ZNF536: variants seen among roughly 807,000 people sequenced by gnomAD.
The protein encoded by ZNF536 is zinc finger protein 536.
ZNF536 carries 13 observed loss-of-function variants against 84.5 expected under a neutral mutation model. The observed-to-expected ratio is 0.15, with a 90% CI of 0.10 to 0.24. The LOEUF (loss-of-function observed/expected upper bound fraction) is 0.24. ZNF536 is among the 10% of genes least tolerant of loss of function. The pLI is 1.00. For synonymous variants in ZNF536, 811 were observed against 742.5 expected, an observed-to-expected ratio of 1.09 and a Z score of -1.50; for missense variants, 1,536 against 1,747.5, an observed-to-expected ratio of 0.88 and a Z score of 2.16.
In ZNF536 at chr19:30,336,666, T is replaced by A. The variant is rs114427057; in HGVS notation, c.-119-15702T>A. 8.4e-3 allele frequency among the ~76,000 whole-genome samples: 1,276 copies of A among 151,384 alleles called. 27 individuals are homozygous for A. The highest frequency in any genetic ancestry group is 0.03 in the African/African-American group (1,230 of 41,250). ...CAGGTAGGACCAGAGAGGGAAGGTG[T>A]GTCTGGGGGCAGGAGGGAGGGTACA... is the stretch of plus-strand genomic sequence containing the variant. On this transcript the variant is annotated intron_variant, in intron 2 of 5. Transcript: ENST00000585628.
rs2148201269 is a variant in ZNF536, at chr19:30,444,853, C to A, written c.1291C>A (p.Leu431Ile). ...EAHANLYSRY[L>I]SCLQSGFMTP... The stretch of plus-strand genomic sequence containing the variant: ...CCACGCCAACCTGTACTCCAGGTAC[C>A]TCTCCTGCCTGCAGAGTGGCTTCAT... Residue 431 changes from leucine (L) to isoleucine (I), a missense_variant, in exon 2 of 5, where the codon CTC (leucine) becomes ATC (isoleucine). Leu to Ile is a conservative substitution (Grantham distance 5). Transcript: ENST00000355537. 6.2e-7 allele frequency: 1 copy of A among 1,613,532 alleles called. No individual in the cohort carries two copies. Among genetic ancestry groups the A allele is most frequent in the Non-Finnish European group, 8.5e-7 (1 of 1,179,980 alleles).
At chr19:30,377,730 A>T (rs886446319) in intron 1 of ZNF536, among the ~76,000 whole-genome samples, 2 of 152,200 alleles carry the variant, frequency 1.3e-5, no homozygotes, top group African/African-American at 4.8e-5. Flanking sequence ...CTTTGTTCTC[A>T]AGATATTGGG....
In ZNF536 at chr19:30,445,579, G is replaced by A; in HGVS notation, c.2017G>A (p.Gly673Ser). ...GLHVGLDERR[G>S]SGSDQESQSV... ...GCACGTGGGCCTGGATGAGCGGCGT[G>A]GCTCGGGCAGTGACCAGGAGTCCCA... The change falls in exon 2 of 5, where the codon GGC becomes AGC. Residue 673 changes from glycine to serine, a missense_variant. Coordinates refer to ENST00000355537, the MANE Select transcript of ZNF536 (RefSeq NM_014717.3). This position sits in a 1 kb window ranked among gnomAD's most constrained non-coding sequence, Gnocchi z 4.5. 6.2e-7 allele frequency: 1 copy of A among 1,613,124 alleles called. No individual in the cohort carries two copies. Among genetic ancestry groups the A allele is most frequent in the Non-Finnish European group, 8.5e-7 (1 of 1,179,706 alleles).
At chr19:30,389,816 C>G (rs1286460299) in intron 1 of ZNF536, among the ~76,000 whole-genome samples, 2 of 152,210 alleles carry the variant, frequency 1.3e-5, no homozygotes, top group Non-Finnish European at 2.9e-5. Flanking sequence ...CCCTCCAGCT[C>G]CCTATCTTCC....
chr19:30,605,356 A>G (rs2047833259), intron 1 of ZNF536, among the ~76,000 whole-genome samples: 1 of 151,918 alleles, frequency 6.6e-6, no homozygotes, highest in Non-Finnish European at 1.5e-5. Flanking sequence ...CCCACCGCCA[A>G]GTCCCCAACA....
At chr19:30,231,771 C>T (rs556004929) in intron 1 of ZNF536, among the ~76,000 whole-genome samples, 79 of 152,002 alleles carry the variant, frequency 5.2e-4, no homozygotes, top group African/African-American at 1.9e-3. Flanking sequence ...GAGTGGCCCC[C>T]TAGGTTGTGC....
rs2052237579 is a variant in ZNF536, at chr19:30,444,827, C to T, written c.1265C>T (p.Ala422Val). Reference sequence around the variant, plus strand: ...CCCATGGGCGGCATGTCCCAGGAGGCCCACGCCAACCTGTACTCCAGGTAC... The same window carrying T: ...CCCATGGGCGGCATGTCCCAGGAGGTCCACGCCAACCTGTACTCCAGGTAC... Reference protein sequence around the residue: ...PVPMGGMSQEAHANLYSRYLS... With the variant: ...PVPMGGMSQEVHANLYSRYLS... The change falls in exon 2 of 5, where the codon GCC (alanine) becomes GTC (valine). Residue 422 changes from alanine to valine, a missense_variant. Physicochemically the swap from Ala to Val is moderately conservative, Grantham distance 64. Coordinates refer to ENST00000355537, the MANE Select transcript of ZNF536 (RefSeq NM_014717.3). The T allele has an allele frequency of 1.9e-6, 3 of 1,613,766 alleles. No homozygotes were observed. Among genetic ancestry groups the T allele is most frequent in the Non-Finnish European group, 1.7e-6 (2 of 1,180,030 alleles).
At chr19:30,373,583 G>C (rs183354570) in intron 1 of ZNF536, among the ~76,000 whole-genome samples, 14 of 152,210 alleles carry the variant, frequency 9.2e-5, no homozygotes. Context: ...TCCAGATGTG[G>C]CTATACTATA....
intron 1 of ZNF536, among the ~76,000 whole-genome samples, chr19:30,657,459 G>A (rs1400350997): frequency 6.6e-6 from 1 of 152,188 alleles, no homozygotes; most frequent in African/African-American, 2.4e-5. Context: ...TGGCAGCTAG[G>A]AGACCAGACT....
intron 1 of ZNF536, among the ~76,000 whole-genome samples, chr19:30,614,539 C>G (rs1249929783): frequency 9.2e-5 from 14 of 151,938 alleles, no homozygotes; most frequent in Admixed American, 9.2e-4. Flanking sequence ...AGATGGAAAC[C>G]TTTGCCCATC....
chr19:30,597,180 C>G (rs1430757319), intron 1 of ZNF536, among the ~76,000 whole-genome samples: 1 of 152,216 alleles, frequency 6.6e-6, no homozygotes, highest in Non-Finnish European at 1.5e-5. Flanking sequence ...TCTCAGGTTC[C>G]CCCAACTTCT....
At chr19:30,611,409 T>C (rs184886435) in intron 1 of ZNF536, among the ~76,000 whole-genome samples, 1 of 152,170 alleles carries the variant, frequency 6.6e-6, no homozygotes, top group African/African-American at 2.4e-5. Context: ...TACTCCTTAT[T>C]ATATTGCATT....
intron 2 of ZNF536, among the ~76,000 whole-genome samples, chr19:30,478,116 C>T (rs1464771726): frequency 6.6e-6 from 1 of 150,464 alleles, no homozygotes; most frequent in Admixed American, 6.6e-5. Flanking sequence ...CTGCTGATGG[C>T]TCACATTTAA....
intron 1 of ZNF536, among the ~76,000 whole-genome samples, chr19:30,686,067 G>A (rs1023526004): frequency 6.6e-6 from 1 of 152,128 alleles, no homozygotes; most frequent in Non-Finnish European, 1.5e-5. Flanking sequence ...CCCAGGAAAG[G>A]GCCTGCACAA....
Position 30,445,883 on chromosome 19 carries a change from T to C in ZNF536, c.2170+151T>C, listed in dbSNP as rs567175963. ...TTGGACACTGGGCCATGCCTTTCTT[T>C]CCCCCCCTGACTGGAGGGAAAGGGC... On this transcript the variant is annotated intron_variant, in intron 2 of 4. Coordinates refer to ENST00000355537, the MANE Select transcript of ZNF536 (RefSeq NM_014717.3). The surrounding 1 kb of genome is among the most constrained non-coding windows in gnomAD (Gnocchi z 4.5). 207 of 1,102,426 alleles carry C rather than the reference T, an allele frequency of 1.9e-4. 2 individuals are homozygous for C. The South Asian group carries it at 2.2e-3, about 12-fold the overall frequency. The allele number at this position is 1,102,426 out of a possible 1,614,324, so 68.3% of individuals were successfully genotyped here.
intron 3 of ZNF536, among the ~76,000 whole-genome samples, chr19:30,356,380 T>G (rs1454883822): frequency 6.6e-6 from 1 of 152,234 alleles, no homozygotes; most frequent in East Asian, 1.9e-4. Flanking sequence ...TGCGGTGGGC[T>G]GGGCTGTCCC....
chr19:30,274,431 G>GTATAAAGAATATTAATGAGACATT lies in ZNF536; in HGVS notation c.-189-9639_-189-9616dup, dbSNP rs1399782913. On this transcript the variant is annotated intron_variant, in intron 1 of 5. Transcript: ENST00000585628. ...ATATTATCATTTCAACACATAAAAA[G>GTATAAAGAATATTAATGAGACATT]TATAAAGAATATTAATGAGACATTT... Among the ~76,000 whole-genome samples, 7 of 152,282 alleles carry GTATAAAGAATATTAATGAGACATT rather than the reference G, an allele frequency of 4.6e-5. No homozygotes were observed. In the East Asian group the frequency reaches 1.3e-3, roughly 29 times the overall value.
At chr19:30,491,870 A>G (rs575968237) in intron 2 of ZNF536, among the ~76,000 whole-genome samples, 1 of 151,948 alleles carries the variant, frequency 6.6e-6, no homozygotes, top group Non-Finnish European at 1.5e-5. Context: ...AAGATATACA[A>G]GACGTTACTC....
intron 2 of ZNF536, among the ~76,000 whole-genome samples, chr19:30,488,298 C>A (rs2054374380): frequency 6.6e-6 from 1 of 152,058 alleles, no homozygotes; most frequent in Non-Finnish European, 1.5e-5. Context: ...ATGTCAGTGG[C>A]CCTCTAAGGT....
Sources: allele counts gnomAD v4.1 joint callset (sites outside exome capture counted in the v4.1 genomes callset), GRCh38; gene constraint gnomAD v4.1.1; non-coding constraint Gnocchi (gnomAD v3.1); transcripts MANE v1.5; gene names NCBI Gene and HGNC (gene_info 2026-07-23, HGNC 2026-07-21).